TSPAN18: variants seen among roughly 807,000 people sequenced by gnomAD.
TSPAN18 encodes tetraspanin-18.
Under a neutral mutation model 27.3 loss-of-function variants are expected in TSPAN18, and 14 were observed. The ratio of observed to expected loss-of-function variants is 0.51; its 90% CI spans 0.34 to 0.80. The LOEUF (loss-of-function observed/expected upper bound fraction) is 0.80. TSPAN18 is among the 30% of genes least tolerant of loss of function. The pLI is 0.01. For synonymous variants in TSPAN18, 143 were observed against 136.5 expected (o/e 1.05, Z -0.33); for missense variants, 268 against 323.9 (o/e 0.83, Z 1.32).
chr11:44,882,627 C>CACACACACACACAGAG (rs375349718), intron 3 of TSPAN18, among the ~76,000 whole-genome samples: 3,683 of 130,432 alleles, frequency 0.028, 62 homozygotes, highest in Non-Finnish European at 0.035. Flanking sequence ...CACACACACA[C>CACACACACACACAGAG]AGAGAGAGAG....
In TSPAN18 at chr11:44,908,831, A is replaced by AAAGGAAAGAAAG. The variant is rs1590671474; in HGVS notation, c.64-873_64-872insAGGAAAGAAAGA. ...AGAAAGAAAGAAAGAAAGAAAGAAA[A>AAAGGAAAGAAAG]AGAAAAATGGAGCAGATATTTATTG... is the stretch of plus-strand genomic sequence containing the variant. On this transcript the variant is annotated intron_variant, in intron 4 of 9. Coordinates refer to ENST00000520358, the MANE Select transcript of TSPAN18 (RefSeq NM_130783.5). 3.1e-5 allele frequency among the ~76,000 whole-genome samples: 3 copies of AAAGGAAAGAAAG among 96,160 alleles called. 1 individual carries two copies. Among genetic ancestry groups the AAAGGAAAGAAAG allele is most frequent in the African/African-American group, 1.3e-4 (3 of 23,720 alleles). 63.1% of individuals were successfully genotyped at this position (96,160 alleles called of 152,430 possible).
chr11:44,767,876 A>C (rs1017595970), intron 2 of TSPAN18, among the ~76,000 whole-genome samples: 5 of 152,174 alleles, frequency 3.3e-5, no homozygotes, highest in Non-Finnish European at 7.3e-5. Flanking sequence ...TCTCCAGTGT[A>C]TTGCCATTGC....
intron 2 of TSPAN18, among the ~76,000 whole-genome samples, chr11:44,797,939 T>A (rs1856388228): frequency 6.6e-6 from 1 of 152,132 alleles, no homozygotes; most frequent in Non-Finnish European, 1.5e-5. Context: ...GTCAAGACGC[T>A]TGTTGGGTCA....
At chr11:44,862,687 G>A (rs2135218173) in intron 3 of TSPAN18, among the ~76,000 whole-genome samples, 1 of 152,344 alleles carries the variant, frequency 6.6e-6, no homozygotes, top group South Asian at 2.1e-4. Flanking sequence ...CCTCCTCTGG[G>A]TGTCTTGCCC....
At chr11:44,919,492 G>A (rs1050514306) in intron 7 of TSPAN18, among the ~76,000 whole-genome samples, 180 bp downstream of exon 7, 6 of 152,188 alleles carry the variant, frequency 3.9e-5, no homozygotes, top group Non-Finnish European at 8.8e-5. Context: ...GTCCCTACTC[G>A]GGATGAAACC....
chr11:44,824,971 G>A (rs1857004722), intron 2 of TSPAN18, among the ~76,000 whole-genome samples: 2 of 152,166 alleles, frequency 1.3e-5, no homozygotes, highest in South Asian at 2.1e-4. Context: ...TCTGGTCCTA[G>A]ACACAGACAC....
intron 3 of TSPAN18, chr11:44,901,452 T>G (rs574116278): frequency 2.0e-5 from 3 of 152,286 alleles, no homozygotes; most frequent in Non-Finnish European, 4.4e-5. Flanking sequence ...TCTGCCTGGG[T>G]GGGCAGAGGG....
chr11:44,847,961 G>A (rs189034661), intron 2 of TSPAN18, among the ~76,000 whole-genome samples: 51 of 151,870 alleles, frequency 3.4e-4, no homozygotes, highest in Non-Finnish European at 5.9e-4. Flanking sequence ...AGCCTCCCAA[G>A]TAGCTCGGAC....
At chr11:44,884,276 A>G (rs1344654226) in intron 3 of TSPAN18, among the ~76,000 whole-genome samples, 1 of 152,208 alleles carries the variant, frequency 6.6e-6, no homozygotes, top group South Asian at 2.1e-4. Context: ...AGACGGGGCC[A>G]AGGTCCACAG....
chr11:44,904,954 G>A (rs1216814124), intron 3 of TSPAN18, among the ~76,000 whole-genome samples: 2 of 152,130 alleles, frequency 1.3e-5, no homozygotes, highest in Non-Finnish European at 2.9e-5. Flanking sequence ...GGTCATCAGA[G>A]TACATACCTC....
chr11:44,820,703 T>C (rs1856909830), intron 2 of TSPAN18, among the ~76,000 whole-genome samples: 2 of 151,800 alleles, frequency 1.3e-5, no homozygotes, highest in South Asian at 4.2e-4. Context: ...CCCCCAGTGT[T>C]GGAGGTGTGG....
At chr11:44,849,505 C>T (rs1376581417) in intron 2 of TSPAN18, among the ~76,000 whole-genome samples, 3 of 152,178 alleles carry the variant, frequency 2.0e-5, no homozygotes. Context: ...GTTATAGCCC[C>T]ATGTCAGCCT....
rs76385701 is a variant in TSPAN18, at chr11:44,766,226, C to T, written c.-153+1714C>T. On this transcript the variant is annotated intron_variant, in intron 2 of 9. Transcript: ENST00000520358. ...AAGCTGGAATCCAAGACAGGGTGGC[C>T]GGCTCCCAGGGGCAGATAAAAACAG... Among the ~76,000 whole-genome samples, 780 of 152,290 alleles carry T rather than the reference C, an allele frequency of 5.1e-3. 2 individuals are homozygous for T. Among genetic ancestry groups the T allele is most frequent in the Middle Eastern group, 0.014 (4 of 294 alleles).
chr11:44,931,050 A>C lies in TSPAN18; in HGVS notation c.*1872A>C, dbSNP rs1055074415. The stretch of plus-strand genomic sequence containing the variant: ...GTGCCTGCTGCAAAGATTCAGGTGG[A>C]CCCTCCTCTAATCTCCTCCTGCTGT... On this transcript the variant is annotated 3_prime_UTR_variant, in exon 10 of 10. Coordinates refer to ENST00000520358, the MANE Select transcript of TSPAN18 (RefSeq NM_130783.5). The C allele has an allele frequency of 1.4e-5, 6 of 430,118 alleles. No individual in the cohort carries two copies. In the Middle Eastern group the frequency reaches 2.7e-3, roughly 195 times the overall value. The allele number at this position is 430,118 out of a possible 1,614,324, so 26.6% of individuals were successfully genotyped here. A position where few individuals can be genotyped will look rare whatever the true frequency, so the allele number is the denominator to read the frequency against.
intron 1 of TSPAN18, among the ~76,000 whole-genome samples, chr11:44,756,548 C>T (rs929591817): frequency 9.2e-5 from 14 of 152,144 alleles, no homozygotes; most frequent in African/African-American, 3.4e-4. Context: ...AATCTATATC[C>T]ATTAAGCAAT....
At chr11:44,804,817 G>C (rs1450869771) in intron 2 of TSPAN18, among the ~76,000 whole-genome samples, 2 of 152,076 alleles carry the variant, frequency 1.3e-5, no homozygotes, top group Non-Finnish European at 2.9e-5. Context: ...GGGGTGGGGA[G>C]AGAAGAAGAA....
At chr11:44,862,019 C>T (rs903994061) in intron 3 of TSPAN18, among the ~76,000 whole-genome samples, 2 of 152,144 alleles carry the variant, frequency 1.3e-5, no homozygotes, top group African/African-American at 4.8e-5. Context: ...TTTTTCCCCC[C>T]ACCTCCACTC....
intron 2 of TSPAN18, among the ~76,000 whole-genome samples, chr11:44,855,794 C>T (rs1405754919): frequency 6.6e-6 from 1 of 150,456 alleles, no homozygotes; most frequent in Non-Finnish European, 1.5e-5. Flanking sequence ...ATCCACCCCA[C>T]CCCCCACCAT....
chr11:44,882,627 C>CACACACACACACACACACACACACAGAG (rs375349718), intron 3 of TSPAN18, among the ~76,000 whole-genome samples: 33 of 130,596 alleles, frequency 2.5e-4, no homozygotes, highest in Non-Finnish European at 4.0e-4. Context: ...CACACACACA[C>CACACACACACACACACACACACACAGAG]AGAGAGAGAG....
Sources: allele counts gnomAD v4.1 joint callset (sites outside exome capture counted in the v4.1 genomes callset), GRCh38; gene constraint gnomAD v4.1.1; transcripts MANE v1.5; gene names NCBI Gene and HGNC (gene_info 2026-07-23, HGNC 2026-07-21).